Variants in TUBGCP5 observed in about 807,000 individuals in gnomAD.
The protein encoded by TUBGCP5 is gamma-tubulin complex component 5.
A neutral mutation model predicts 134.7 loss-of-function variants in TUBGCP5; 98 were observed. The ratio of observed to expected loss-of-function variants is 0.73; its 90% confidence interval spans 0.62 to 0.86. The LOEUF (loss-of-function observed/expected upper bound fraction) is 0.86, where lower values mean the gene tolerates loss of function less well. Ranked by LOEUF, TUBGCP5 falls within the 40% of genes least tolerant of loss-of-function variation. The pLI is 0.00. For synonymous variants in TUBGCP5, 456 were observed against 431.4 expected (o/e 1.06, Z -0.71); for missense variants, 1,150 against 1,244.8 (o/e 0.92, Z 1.15).
intron 5 of TUBGCP5, among the ~76,000 whole-genome samples, chr15:23,031,351 T>C (rs1299859581): frequency 6.6e-6 from 1 of 151,978 alleles, no homozygotes; most frequent in Non-Finnish European, 1.5e-5. Flanking sequence ...GTCTCTCGCT[T>C]TGTCATCCAG....
intron 6 of TUBGCP5, among the ~76,000 whole-genome samples, chr15:23,028,545 C>G (rs574246019): frequency 6.6e-6 from 1 of 151,876 alleles, no homozygotes; most frequent in Non-Finnish European, 1.5e-5. Flanking sequence ...ATGAGATTAT[C>G]TCACGGATAA....
At position 23,039,031 on chromosome 15, in the gene TUBGCP5, T is replaced by TA. The variant is rs2066758594; in HGVS notation, c.146+366_146+367insT. ...TCAGTGAGAATACAATCTCTTTAAT[T>TA]TAAAAAAAAAAAAAATTATAAACAT... is the stretch of plus-strand genomic sequence containing the variant. On this transcript the variant is annotated intron_variant, in intron 1 of 22. Transcript: ENST00000615383. Among the ~76,000 whole-genome samples the TA allele has an allele frequency of 6.3e-5, 8 of 126,882 alleles. No individual in the cohort carries two copies. The East Asian group carries it at 1.7e-3, about 28-fold the overall frequency. The allele number at this position is 126,882 out of a possible 152,430, so 83.2% of individuals were successfully genotyped here.
chr15:23,028,268 T>A (rs1250921413), intron 6 of TUBGCP5, among the ~76,000 whole-genome samples: 1 of 151,456 alleles, frequency 6.6e-6, no homozygotes, highest in African/African-American at 2.4e-5. Context: ...AAGCCCCAGC[T>A]TCTTAGGAGG....
At chr15:23,008,535 G>T in intron 16 of TUBGCP5, 164 bp downstream of exon 16, 1 of 877,072 alleles carries the variant, frequency 1.1e-6, no homozygotes, top group Non-Finnish European at 1.8e-6. Context: ...TGGCATTACA[G>T]GTGTGAGCCA....
At position 23,032,794 on chromosome 15, in the gene TUBGCP5, G is replaced by C; in HGVS notation, c.340C>G (p.Leu114Val). 2.5e-6 allele frequency: 4 copies of C among 1,591,716 alleles called. No homozygotes were observed. Among genetic ancestry groups the C allele is most frequent in the Non-Finnish European group, 3.4e-6 (4 of 1,172,058 alleles). Reference sequence around the variant, plus strand: ...GAAGGAGAGTCTGACAGACACAGAAGAAGTGACAGTATGGAATAATGTGCA... The same window carrying C: ...GAAGGAGAGTCTGACAGACACAGAACAAGTGACAGTATGGAATAATGTGCA... ...TDAHYSILSL[L>V]LCLSDSPSNS... is the part of the protein sequence containing the mutation. The change falls in exon 4 of 23, where the codon CTT becomes GTT. Residue 114 changes from leucine (L) to valine (V), a missense_variant. Leu to Val is a conservative substitution (Grantham distance 32). Coordinates refer to ENST00000615383, the MANE Select transcript of TUBGCP5 (RefSeq NM_052903.6).
At chr15:22,993,544 T>G (rs1220606863) in intron 23 of TUBGCP5, among the ~76,000 whole-genome samples, 4 of 138,968 alleles carry the variant, frequency 2.9e-5, no homozygotes, top group African/African-American at 1.1e-4. Flanking sequence ...TTTTTTTTTT[T>G]TTTTTTTTTT....
At chr15:23,036,692 A>G (rs191086218) in intron 3 of TUBGCP5, among the ~76,000 whole-genome samples, 2 of 152,294 alleles carry the variant, frequency 1.3e-5, no homozygotes, top group Admixed American at 6.5e-5. Flanking sequence ...TGAGGTGAAA[A>G]AATGATTAAA....
rs1199842584 is a variant in TUBGCP5 at position 22,999,657 on chromosome 15, T to C, written c.*163A>G. On this transcript the variant is annotated 3_prime_UTR_variant, in exon 23 of 23. Coordinates refer to ENST00000615383, the MANE Select transcript of TUBGCP5 (RefSeq NM_052903.6). ...CTCAAGTGATCTGCCTGTCTTGGCCTCCCATCGTGCTGGGATTAGAGGCAT... is the reference window on the plus strand; with the variant it reads ...CTCAAGTGATCTGCCTGTCTTGGCCCCCCATCGTGCTGGGATTAGAGGCAT... 7.0e-6 allele frequency: 5 copies of C among 718,246 alleles called. No homozygotes were observed. The East Asian group carries it at 8.4e-5, about 12-fold the overall frequency. 44.5% of individuals were successfully genotyped at this position (718,246 alleles called of 1,614,324 possible).
intron 13 of TUBGCP5, among the ~76,000 whole-genome samples, chr15:23,015,708 A>G (rs555107001): frequency 9.2e-5 from 14 of 152,280 alleles, no homozygotes; most frequent in African/African-American, 3.4e-4. Context: ...TGTTGCCACA[A>G]ACCCCCTCAC....
chr15:23,024,693 C>T (rs2140577594), intron 9 of TUBGCP5, 44 bp downstream of exon 9: 1 of 1,065,024 alleles, frequency 9.4e-7, no homozygotes, highest in Non-Finnish European at 1.4e-6. Context: ...TACTAGTTTA[C>T]ATAAATCCTA....
At chr15:23,029,328 T>G (rs575647380) in intron 6 of TUBGCP5, among the ~76,000 whole-genome samples, 23 of 152,284 alleles carry the variant, frequency 1.5e-4, no homozygotes, top group Admixed American at 1.5e-3. Flanking sequence ...TTCAAGCGAT[T>G]CTTCTGCTTC....
At chr15:23,036,639 T>C (rs541995352) in intron 3 of TUBGCP5, among the ~76,000 whole-genome samples, 5 of 152,290 alleles carry the variant, frequency 3.3e-5, no homozygotes, top group Admixed American at 2.6e-4. Flanking sequence ...CAAACAATGC[T>C]ACTATTTGTA....
chr15:23,035,441 G>A (rs1317867853), intron 3 of TUBGCP5, among the ~76,000 whole-genome samples: 1 of 148,394 alleles, frequency 6.7e-6, no homozygotes, highest in African/African-American at 2.5e-5. Flanking sequence ...ATGGACTGTT[G>A]GGTGGGGGTT....
rs149177208 is a variant in TUBGCP5, at chr15:22,984,832, A to G, written c.*62-1221T>C. Among the ~76,000 whole-genome samples, 527 of 152,298 alleles carry G rather than the reference A, an allele frequency of 3.5e-3. 4 individuals carry two copies. The highest frequency in any genetic ancestry group is 0.012 in the African/African-American group (496 of 41,560). ...TTATAACGGTAGAGTAGAGGAAGGCAAGATTTCTCAAAAATGTAGGGTTAG... is the reference window on the plus strand; with the variant it reads ...TTATAACGGTAGAGTAGAGGAAGGCGAGATTTCTCAAAAATGTAGGGTTAG... On this transcript the variant is annotated intron_variant and NMD_transcript_variant, in intron 23 of 23. Transcript: ENST00000614508.
chr15:22,996,270 T>G (rs991401690), downstream of TUBGCP5, among the ~76,000 whole-genome samples: 4 of 152,182 alleles, frequency 2.6e-5, no homozygotes, highest in Admixed American at 2.6e-4. Context: ...TCTTTTTATT[T>G]TAGCCATGCC....
At chr15:22,986,507 C>T (rs368010651) in intron 23 of TUBGCP5, among the ~76,000 whole-genome samples, 21 of 151,992 alleles carry the variant, frequency 1.4e-4, no homozygotes, top group Non-Finnish European at 2.5e-4. Flanking sequence ...GAGGCCAAGG[C>T]GGGTGGATCA....
chr15:23,021,105 T>A (rs1405521688), intron 11 of TUBGCP5, among the ~76,000 whole-genome samples: 1 of 152,082 alleles, frequency 6.6e-6, no homozygotes, highest in East Asian at 1.9e-4. Context: ...GCCAGGCTGG[T>A]CTCGAATTCC....
chr15:23,031,905 C>G (rs746835599), intron 5 of TUBGCP5, 45 bp downstream of exon 5: 2 of 1,480,096 alleles, frequency 1.4e-6, no homozygotes, highest in East Asian at 2.3e-5. Flanking sequence ...TCTATATCAC[C>G]TGGCGTGTAT....
chr15:23,003,343 A>C (rs1298744548), intron 20 of TUBGCP5, among the ~76,000 whole-genome samples, 190 bp from the exon 21 acceptor site: 1 of 152,244 alleles, frequency 6.6e-6, no homozygotes, highest in African/African-American at 2.4e-5. Flanking sequence ...ACTGAATGTA[A>C]GATACAAGTG....
Sources: allele counts gnomAD v4.1 joint callset (sites outside exome capture counted in the v4.1 genomes callset), GRCh38; gene constraint gnomAD v4.1.1; transcripts MANE v1.5; gene names NCBI Gene and HGNC (gene_info 2026-07-23, HGNC 2026-07-21).